Variants in EFCAB5 observed in about 807,000 individuals in gnomAD.
EFCAB5 encodes the protein EF-hand calcium binding domain 5.
EFCAB5 carries 131 observed loss-of-function variants against 167.9 expected under a neutral mutation model. That is an observed-to-expected ratio of 0.78 (90% CI 0.68 to 0.90). The LOEUF is 0.90. EFCAB5 is among the 40% of genes least tolerant of loss of function. EFCAB5 has a pLI of 0.00. For missense variants in EFCAB5, 1,663 were observed against 1,745.2 expected, an observed-to-expected ratio of 0.95 and a Z score of 0.84; for synonymous variants, 574 against 602.8, an observed-to-expected ratio of 0.95 and a Z score of 0.70.
chr17:30,010,574 T>G (rs2068873700), intron 7 of EFCAB5, among the ~76,000 whole-genome samples: 4 of 152,358 alleles, frequency 2.6e-5, no homozygotes, highest in Non-Finnish European at 4.4e-5. Context: ...TGAGCATTTT[T>G]TCATGTCTGT....
intron 17 of EFCAB5, among the ~76,000 whole-genome samples, chr17:30,081,497 T>C (rs1374121421): frequency 6.6e-6 from 1 of 152,216 alleles, no homozygotes; most frequent in Non-Finnish European, 1.5e-5. Flanking sequence ...CACAAAATGA[T>C]AGGCACTTTT....
chr17:29,999,590 C>A (rs933762100), intron 6 of EFCAB5, among the ~76,000 whole-genome samples: 1 of 152,098 alleles, frequency 6.6e-6, no homozygotes, highest in Non-Finnish European at 1.5e-5. Flanking sequence ...TAAGGACCTG[C>A]TAGCATAAAC....
Position 30,003,105 on chromosome 17 carries a change from G to C in EFCAB5, c.1044+3129G>C, listed in dbSNP as rs114374696. Among the ~76,000 whole-genome samples the C allele has an allele frequency of 2.8e-4, 40 of 140,996 alleles. 2 individuals carry two copies. The South Asian group carries it at 6.6e-3, about 23-fold the overall frequency. The allele number at this position is 140,996 out of a possible 152,430, so 92.5% of individuals were successfully genotyped here. ...TCCTCTTTTTTTTTTGTAGCGGGGG[G>C]GGGGTCTGATATTTCCTCTGTTGTT... On this transcript the variant is annotated intron_variant, in intron 7 of 22. Coordinates refer to ENST00000394835, the MANE Select transcript of EFCAB5 (RefSeq NM_198529.4).
At chr17:29,934,295 A>G (rs919613319) in intron 1 of EFCAB5, among the ~76,000 whole-genome samples, 22 of 152,232 alleles carry the variant, frequency 1.4e-4, no homozygotes, top group African/African-American at 5.1e-4. Flanking sequence ...AGTATAAATT[A>G]TAATTGATAA....
chr17:30,070,654 A>G (rs1204711521), intron 14 of EFCAB5, among the ~76,000 whole-genome samples: 1 of 151,860 alleles, frequency 6.6e-6, no homozygotes, highest in Non-Finnish European at 1.5e-5. Flanking sequence ...ATAAAACTAG[A>G]CCCCTATCTC....
intron 3 of EFCAB5, among the ~76,000 whole-genome samples, chr17:29,958,983 A>G (rs1445374849): frequency 6.6e-6 from 1 of 151,338 alleles, no homozygotes; most frequent in East Asian, 1.9e-4. Flanking sequence ...CATCTCCCCA[A>G]CCCCCTGCCA....
At chr17:30,097,966 C>T (rs2071327274) in intron 22 of EFCAB5, among the ~76,000 whole-genome samples, 1 of 152,024 alleles carries the variant, frequency 6.6e-6, no homozygotes, top group South Asian at 2.1e-4. Flanking sequence ...ACAGGGCCCC[C>T]CTCTATCACT....
chr17:29,988,744 C>A (rs1279520450), intron 4 of EFCAB5, among the ~76,000 whole-genome samples: 1 of 152,100 alleles, frequency 6.6e-6, no homozygotes, highest in Non-Finnish European at 1.5e-5. Context: ...TGTAATTTAA[C>A]TATCTGAGTT....
At chr17:29,931,038 AGGGAATGG>A (rs2067186072) in intron 1 of EFCAB5, among the ~76,000 whole-genome samples, 2 of 152,242 alleles carry the variant, frequency 1.3e-5, no homozygotes, top group African/African-American at 4.8e-5. Context: ...AGATATTTTA[AGGGAATGG>A]TTTTCTCAGG....
intron 4 of EFCAB5, among the ~76,000 whole-genome samples, chr17:29,974,402 C>T (rs762525805): frequency 6.6e-6 from 1 of 151,698 alleles, no homozygotes; most frequent in Non-Finnish European, 1.5e-5. Flanking sequence ...ATTATCTTGG[C>T]TTGGTGGCAC....
intron 4 of EFCAB5, among the ~76,000 whole-genome samples, chr17:29,970,637 G>GACACACACACACACACACACAC (rs34545008): frequency 7.9e-5 from 11 of 138,744 alleles, no homozygotes; most frequent in African/African-American, 2.8e-4. Context: ...CTCAAAAACA[G>GACACACACACACACACACACAC]ACACACACAC....
At chr17:29,987,015 C>A (rs1355082935) in intron 4 of EFCAB5, among the ~76,000 whole-genome samples, 1 of 152,100 alleles carries the variant, frequency 6.6e-6, no homozygotes, top group East Asian at 1.9e-4. Flanking sequence ...GTGATTACGT[C>A]CAGGCATTAT....
chr17:30,002,504 C>T (rs538780469), intron 7 of EFCAB5, among the ~76,000 whole-genome samples: 15 of 152,274 alleles, frequency 9.9e-5, no homozygotes, highest in Non-Finnish European at 1.6e-4. Flanking sequence ...AAGTCATTTT[C>T]CACTTTGCCA....
chr17:29,970,672 A>ACACACACACATG (rs2067934891), intron 4 of EFCAB5, among the ~76,000 whole-genome samples: 1 of 138,766 alleles, frequency 7.2e-6, no homozygotes, highest in African/African-American at 3.0e-5. Flanking sequence ...ACACACATAC[A>ACACACACACATG]CACACACACA....
At chr17:29,941,908 G>A in intron 1 of EFCAB5, 70 bp downstream of exon 1, 1 of 1,380,842 alleles carries the variant, frequency 7.2e-7, no homozygotes, top group Non-Finnish European at 1.0e-6. Flanking sequence ...GGAAAATTGA[G>A]ATGCAATATC....
intron 1 of EFCAB5, among the ~76,000 whole-genome samples, chr17:29,934,607 G>T (rs974713151): frequency 6.6e-6 from 1 of 152,210 alleles, no homozygotes; most frequent in Non-Finnish European, 1.5e-5. Context: ...GAGGCTGTAA[G>T]TCCTGCTCTT....
intron 7 of EFCAB5, among the ~76,000 whole-genome samples, chr17:30,023,267 A>C (rs914372745): frequency 1.3e-5 from 2 of 152,172 alleles, no homozygotes; most frequent in African/African-American, 4.8e-5. Context: ...GGATCAACAA[A>C]ATTGATAGAG....
At chr17:30,018,123 A>G (rs986898668) in intron 7 of EFCAB5, among the ~76,000 whole-genome samples, 13 of 151,724 alleles carry the variant, frequency 8.6e-5, no homozygotes, top group South Asian at 4.2e-4. Flanking sequence ...TTTTTTTTTC[A>G]CCTAAAACAA....
chr17:30,074,324 A>G (rs1211607507), intron 14 of EFCAB5: 1 of 152,070 alleles, frequency 6.6e-6, no homozygotes. Context: ...TTGTAGAGAC[A>G]AGGTCTCACC....
Sources: allele counts gnomAD v4.1 joint callset (sites outside exome capture counted in the v4.1 genomes callset), GRCh38; gene constraint gnomAD v4.1.1; transcripts MANE v1.5; gene names NCBI Gene and HGNC (gene_info 2026-07-23, HGNC 2026-07-21).